The following TRAPPC12 variants were observed in gnomAD, a reference collection of about 807,000 sequenced individuals.
The protein encoded by TRAPPC12 is trafficking protein particle complex subunit 12, also known as TPR repeat protein 15.
A neutral mutation model predicts 69.2 loss-of-function variants in TRAPPC12; 61 were observed. That is an observed-to-expected ratio of 0.88 (90% CI 0.72 to 1.09). The LOEUF (loss-of-function observed/expected upper bound fraction) is 1.09. Among genes scored for constraint, TRAPPC12 ranks in the 50% least tolerant of loss-of-function variants. The pLI is 0.00. For synonymous variants in TRAPPC12, 469 were observed against 438.9 expected, an observed-to-expected ratio of 1.07 and a Z score of -0.86; for missense variants, 1,101 against 1,016.4, an observed-to-expected ratio of 1.08 and a Z score of -1.13.
At chr2:3,402,088 T>A (rs1661474523) in intron 3 of TRAPPC12, among the ~76,000 whole-genome samples, 195 bp downstream of exon 3, 1 of 152,216 alleles carries the variant, frequency 6.6e-6, no homozygotes, top group Admixed American at 6.5e-5. Flanking sequence ...TAAGCCTAAT[T>A]AGTTAAAAAG....
intron 3 of TRAPPC12, among the ~76,000 whole-genome samples, chr2:3,406,577 A>G (rs1232216887): frequency 6.6e-6 from 1 of 152,198 alleles, no homozygotes; most frequent in African/African-American, 2.4e-5. Context: ...TTTAAAGGGG[A>G]AAAAACAGCT....
At chr2:3,409,564 T>C (rs1661925609) in intron 3 of TRAPPC12, among the ~76,000 whole-genome samples, 1 of 151,618 alleles carries the variant, frequency 6.6e-6, no homozygotes, top group Non-Finnish European at 1.5e-5. Context: ...GCCCGAGCAA[T>C]ATAGTGAGAC....
intron 2 of TRAPPC12, among the ~76,000 whole-genome samples, chr2:3,397,032 G>T: frequency 6.6e-6 from 1 of 152,232 alleles, no homozygotes; most frequent in South Asian, 2.1e-4. Flanking sequence ...TTATCTGAAA[G>T]TTCCATTATC....
In TRAPPC12 at chr2:3,424,292, A is replaced by G. The variant is rs373138461; in HGVS notation, c.1279-233A>G. ...GGACTCAGACTCCTGGGCTCAAGCA[A>G]TCTTCCCACCTCAGCCTCCTGAGTA... On this transcript the variant is annotated intron_variant, in intron 4 of 11. Transcript: ENST00000324266. Among the ~76,000 whole-genome samples, 368 of 152,332 alleles carry G rather than the reference A, an allele frequency of 2.4e-3. 1 individual carries two copies. Among genetic ancestry groups the G allele is most frequent in the African/African-American group, 7.7e-3 (321 of 41,576 alleles).
At chr2:3,460,785 C>T (rs7582871) in intron 8 of TRAPPC12, 2,764 of 157,672 alleles carry the variant, frequency 0.018, 75 homozygotes, top group African/African-American at 0.062. Flanking sequence ...GCTCTCAGCC[C>T]GCAGGGAAAC....
chr2:3,395,681 C>T (rs1252774200), intron 2 of TRAPPC12, among the ~76,000 whole-genome samples: 2 of 150,866 alleles, frequency 1.3e-5, no homozygotes, highest in Non-Finnish European at 2.9e-5. Context: ...TCATGCCTCA[C>T]CCTCCAGAGT....
intron 2 of TRAPPC12, among the ~76,000 whole-genome samples, chr2:3,390,631 A>G (rs1660768092): frequency 6.6e-6 from 1 of 152,222 alleles, no homozygotes; most frequent in African/African-American, 2.4e-5. Context: ...AAGGCAATGA[A>G]ACTATTCCGT....
At position 3,468,880 on chromosome 2, in the gene TRAPPC12, C is replaced by T. The variant is rs141657874; in HGVS notation, c.1776+3185C>T. On this transcript the variant is annotated intron_variant, in intron 9 of 11. Coordinates refer to ENST00000324266, the MANE Select transcript of TRAPPC12 (RefSeq NM_016030.6). ...TCAGCACGGGATGGAGGACGCCACA[C>T]GGAGTCAGATTGCAGTCGATGAGAG... is the stretch of plus-strand genomic sequence containing the variant. Among the ~76,000 whole-genome samples the T allele has an allele frequency of 2.4e-4, 36 of 152,310 alleles. No individual in the cohort carries two copies. The South Asian group carries it at 2.5e-3, about 11-fold the overall frequency.
rs1558340249 is a variant in TRAPPC12, at chr2:3,388,550, C to G, written c.927C>G (p.Ala309=). ...GCGAGATGGACCGGAGGAACGACGC[C>G]TGGCTTCCCGGCGAGGCTACGCGTG... ...SMSEMDRRND[A]WLPGEATRGV... Residue 309 remains alanine, a synonymous_variant, in exon 2 of 12, where the codon GCC becomes GCG. Transcript: ENST00000324266. 6.2e-7 allele frequency: 1 copy of G among 1,613,120 alleles called. No homozygotes were observed. The highest frequency in any genetic ancestry group is 1.6e-4 in the Middle Eastern group (1 of 6,062).
chr2:3,456,140 C>T (rs917894286), intron 6 of TRAPPC12: 1 of 152,194 alleles, frequency 6.6e-6, no homozygotes, highest in African/African-American at 2.4e-5. Context: ...TTGAACCCCA[C>T]CTTGTCCCCT....
chr2:3,465,743 C>A, intron 9 of TRAPPC12, 48 bp downstream of exon 9: 1 of 1,290,808 alleles, frequency 7.7e-7, no homozygotes, highest in Non-Finnish European at 1.1e-6. Flanking sequence ...TATGATAGTT[C>A]TTTGCTCAGA....
chr2:3,402,927 G>A (rs1472253270), intron 3 of TRAPPC12, among the ~76,000 whole-genome samples: 1 of 152,188 alleles, frequency 6.6e-6, no homozygotes, highest in Admixed American at 6.5e-5. Context: ...ATGCCTGCAT[G>A]CAGTCAAGTT....
chr2:3,387,848 C>T lies in TRAPPC12; in HGVS notation c.225C>T (p.Ser75=). 3 of 1,603,818 alleles carry T rather than the reference C, an allele frequency of 1.9e-6. No individual in the cohort carries two copies. Among genetic ancestry groups the T allele is most frequent in the Non-Finnish European group, 2.6e-6 (3 of 1,172,382 alleles). The change falls in exon 2 of 12, where the codon TCC becomes TCT. Residue 75 remains serine (S), a synonymous_variant. Transcript: ENST00000324266. ...TGGAGAGCGTCCTCATCTCTGACTC[C>T]CCCAACAGCGAGGGCGACGCGGGCG... The part of the protein sequence containing the change: ...HMMESVLISD[S]PNSEGDAGDL...
At chr2:3,388,895 TACC>T (rs1184241850) in intron 2 of TRAPPC12, 1 of 472,272 alleles carries the variant, frequency 2.1e-6, no homozygotes, top group East Asian at 3.5e-5. Context: ...TAGAAATAAA[TACC>T]ACCAAGGCAG....
intron 6 of TRAPPC12, 115 bp downstream of exon 6, chr2:3,444,006 T>G: frequency 2.7e-6 from 2 of 743,926 alleles, no homozygotes; most frequent in Non-Finnish European, 4.5e-6. Flanking sequence ...CATCGCTGCT[T>G]CTGCCTTCAG....
intron 5 of TRAPPC12, among the ~76,000 whole-genome samples, chr2:3,425,942 T>G (rs894917104): frequency 6.6e-6 from 1 of 152,240 alleles, no homozygotes; most frequent in African/African-American, 2.4e-5. Flanking sequence ...GTTGTTTTTT[T>G]GGTTAAAACT....
chr2:3,473,699 G>A (rs1332528862), intron 9 of TRAPPC12, among the ~76,000 whole-genome samples: 1 of 152,162 alleles, frequency 6.6e-6, no homozygotes, highest in Non-Finnish European at 1.5e-5. Flanking sequence ...TCAAACTCCT[G>A]GCCTCAAGCA....
At chr2:3,403,470 A>T (rs765187440) in intron 3 of TRAPPC12, among the ~76,000 whole-genome samples, 1 of 152,116 alleles carries the variant, frequency 6.6e-6, no homozygotes, top group Non-Finnish European at 1.5e-5. Context: ...ACCTCAGGTG[A>T]TCCGCCTGCC....
At chr2:3,413,862 A>G (rs1359277551) in intron 3 of TRAPPC12, among the ~76,000 whole-genome samples, 1 of 152,158 alleles carries the variant, frequency 6.6e-6, no homozygotes, top group Non-Finnish European at 1.5e-5. Context: ...AGCACCCGCC[A>G]CCTTAGCCTG....
Sources: allele counts gnomAD v4.1 joint callset (sites outside exome capture counted in the v4.1 genomes callset), GRCh38; gene constraint gnomAD v4.1.1; transcripts MANE v1.5; gene names NCBI Gene and HGNC (gene_info 2026-07-23, HGNC 2026-07-21).